Variants in RNF150 observed in about 807,000 individuals in gnomAD.
RNF150 encodes the protein ring finger protein 150.
Under a neutral mutation model 39.3 loss-of-function variants are expected in RNF150, and 24 were observed. The observed-to-expected ratio is 0.61, with a 90% CI of 0.44 to 0.86. The LOEUF (loss-of-function observed/expected upper bound fraction) is 0.86. Among genes scored for constraint, RNF150 ranks in the 40% least tolerant of loss-of-function variants. The pLI is 0.00. For synonymous variants in RNF150, 255 were observed against 227.3 expected (o/e 1.12, Z -1.10); for missense variants, 502 against 587.8 (o/e 0.85, Z 1.51).
chr4:140,935,081 TATATATAATAA>T (rs1276071620), intron 4 of RNF150, among the ~76,000 whole-genome samples: 3 of 108,786 alleles, frequency 2.8e-5, no homozygotes, highest in Non-Finnish European at 5.4e-5. Flanking sequence ...ATATATATAA[TATATATAATAA>T]ATATATATAT....
intron 1 of RNF150, among the ~76,000 whole-genome samples, chr4:141,040,474 A>G (rs1342994538): frequency 1.3e-5 from 2 of 152,230 alleles, no homozygotes; most frequent in Non-Finnish European, 2.9e-5. Flanking sequence ...AAATAATAAT[A>G]TACTTCTAAC....
At chr4:141,120,730 G>A (rs1305256562) in intron 1 of RNF150, among the ~76,000 whole-genome samples, 2 of 152,200 alleles carry the variant, frequency 1.3e-5, no homozygotes, top group Admixed American at 6.5e-5. Flanking sequence ...GGGAAGTGGG[G>A]TAGGAAAGGG....
chr4:140,868,225 G>T lies in RNF150; in HGVS notation c.*36C>A. On this transcript the variant is annotated 3_prime_UTR_variant, in exon 7 of 7. Coordinates refer to ENST00000515673, the MANE Select transcript of RNF150 (RefSeq NM_020724.2). ...GAGCACTCTTCCCTTCCTTTCCCTT[G>T]GGTCCTACTATCTCTTTGCTTCTGG... 8.4e-7 allele frequency: 1 copy of T among 1,193,756 alleles called. No homozygotes were observed. The highest frequency in any genetic ancestry group is 1.3e-6 in the Non-Finnish European group (1 of 797,368). 73.9% of individuals were successfully genotyped at this position (1,193,756 alleles called of 1,614,324 possible).
At chr4:141,196,582 G>T (rs1046296849) in intron 1 of RNF150, among the ~76,000 whole-genome samples, 1 of 152,182 alleles carries the variant, frequency 6.6e-6, no homozygotes, top group Non-Finnish European at 1.5e-5. Context: ...AGTCAGGAAG[G>T]CTTTTGGTAT....
chr4:141,184,041 T>G (rs1182249220), intron 1 of RNF150, among the ~76,000 whole-genome samples: 1 of 152,212 alleles, frequency 6.6e-6, no homozygotes, highest in Non-Finnish European at 1.5e-5. Context: ...GATTGCTGGG[T>G]AAAATGGTAT....
intron 6 of RNF150, among the ~76,000 whole-genome samples, chr4:140,873,832 C>T (rs183025288): frequency 5.1e-4 from 77 of 152,220 alleles, no homozygotes; most frequent in Non-Finnish European, 7.1e-4. Context: ...TGTCCCACCA[C>T]GCCCAGCTAA....
intron 1 of RNF150, among the ~76,000 whole-genome samples, chr4:140,998,865 T>G (rs1012310628): frequency 1.3e-5 from 2 of 152,154 alleles, no homozygotes; most frequent in Admixed American, 6.5e-5. Context: ...CAGCAAAATA[T>G]GTCACTACCA....
chr4:140,970,681 T>C (rs1733430646), intron 1 of RNF150, among the ~76,000 whole-genome samples: 1 of 152,138 alleles, frequency 6.6e-6, no homozygotes, highest in Non-Finnish European at 1.5e-5. Flanking sequence ...GGGTAAAGTA[T>C]AATTAACTAT....
chr4:141,000,489 C>CA (rs1330970650), intron 1 of RNF150, among the ~76,000 whole-genome samples: 1 of 152,062 alleles, frequency 6.6e-6, no homozygotes, highest in Admixed American at 6.6e-5. Flanking sequence ...ACTAGTTTAC[C>CA]AACAAATATA....
intron 6 of RNF150, among the ~76,000 whole-genome samples, chr4:140,887,690 G>A (rs934405128): frequency 6.6e-6 from 1 of 152,138 alleles, no homozygotes; most frequent in African/African-American, 2.4e-5. Flanking sequence ...TAGAGAACAG[G>A]GCTCTGATGG....
chr4:141,077,998 ATC>A (rs563312878), intron 1 of RNF150, among the ~76,000 whole-genome samples: 12 of 152,370 alleles, frequency 7.9e-5, no homozygotes, highest in African/African-American at 2.9e-4. Context: ...GCCTGTATTA[ATC>A]TCTGAGATTT....
intron 6 of RNF150, among the ~76,000 whole-genome samples, chr4:140,885,053 T>A (rs1389662697): frequency 5.3e-5 from 8 of 152,176 alleles, no homozygotes; most frequent in Non-Finnish European, 1.2e-4. Flanking sequence ...GGTATCTCCA[T>A]GGAGGAAGGA....
At chr4:140,914,150 G>A (rs960070333) in intron 5 of RNF150, among the ~76,000 whole-genome samples, 1 of 152,172 alleles carries the variant, frequency 6.6e-6, no homozygotes, top group Non-Finnish European at 1.5e-5. Flanking sequence ...TTGTGGGATA[G>A]TAGGAATAGT....
At chr4:141,146,437 A>G (rs1010048589) in intron 1 of RNF150, among the ~76,000 whole-genome samples, 1 of 152,206 alleles carries the variant, frequency 6.6e-6, no homozygotes, top group African/African-American at 2.4e-5. Flanking sequence ...TTGGGAAAAG[A>G]CAATCAGCAT....
intron 4 of RNF150, among the ~76,000 whole-genome samples, chr4:140,930,942 GT>G (rs34765057): frequency 1.3e-5 from 2 of 151,134 alleles, no homozygotes; most frequent in South Asian, 2.1e-4. Flanking sequence ...ATCTGCTGGG[GT>G]TTTTTTTTGT....
At chr4:140,991,271 A>G (rs181083744) in intron 1 of RNF150, among the ~76,000 whole-genome samples, 2 of 152,224 alleles carry the variant, frequency 1.3e-5, no homozygotes, top group Non-Finnish European at 2.9e-5. Flanking sequence ...GACAGATTGC[A>G]AAAATTTTCT....
intron 1 of RNF150, among the ~76,000 whole-genome samples, chr4:141,120,083 A>C (rs921081619): frequency 6.6e-6 from 1 of 152,228 alleles, no homozygotes. Context: ...TGCCTTTTCT[A>C]CGCCAGGCTC....
intron 6 of RNF150, among the ~76,000 whole-genome samples, chr4:140,896,094 G>A (rs1729931961): frequency 9.2e-6 from 1 of 108,508 alleles, no homozygotes; most frequent in Non-Finnish European, 1.8e-5. Flanking sequence ...TGGTGGGACT[G>A]TAAACTAGTT....
intron 1 of RNF150, among the ~76,000 whole-genome samples, chr4:141,101,430 AG>A (rs34194244): frequency 0.041 from 6,243 of 152,288 alleles, 185 homozygotes; most frequent in East Asian, 0.14. Context: ...TCCCATTGGA[AG>A]GTCTTCAGGG....
Sources: allele counts gnomAD v4.1 joint callset (sites outside exome capture counted in the v4.1 genomes callset), GRCh38; gene constraint gnomAD v4.1.1; transcripts MANE v1.5; gene names NCBI Gene and HGNC (gene_info 2026-07-23, HGNC 2026-07-21).